The following FHIT variants were observed in gnomAD, a reference collection of about 807,000 sequenced individuals.
FHIT encodes fragile histidine triad diadenosine triphosphatase.
Under a neutral mutation model 17.9 loss-of-function variants are expected in FHIT, and 19 were observed. The observed-to-expected ratio is 1.06, with a 90% CI of 0.74 to 1.56. The LOEUF is 1.56. Ranked by LOEUF, FHIT falls within the 40% of genes most tolerant of loss-of-function variation. The pLI, the probability that FHIT is intolerant of heterozygous loss-of-function variation, is 0.00. For synonymous variants in FHIT, 81 were observed against 69.7 expected (o/e 1.16, Z -0.81); for missense variants, 248 against 189.2 (o/e 1.31, Z -1.82).
chr3:59,765,559 G>T (rs534796747), intron 8 of FHIT, among the ~76,000 whole-genome samples: 12 of 152,340 alleles, frequency 7.9e-5, no homozygotes, highest in African/African-American at 2.6e-4. Context: ...CAGACAGTCT[G>T]ATCCTTCATT....
intron 5 of FHIT, among the ~76,000 whole-genome samples, chr3:60,273,642 A>G (rs566277361): frequency 6.6e-6 from 1 of 152,178 alleles, no homozygotes; most frequent in Admixed American, 6.5e-5. Flanking sequence ...ATTATTTTTT[A>G]TAATGATCAT....
At chr3:61,208,783 G>A (rs2039346419) in intron 1 of FHIT, among the ~76,000 whole-genome samples, 1 of 151,948 alleles carries the variant, frequency 6.6e-6, no homozygotes, top group African/African-American at 2.4e-5. Context: ...TTGCCAATCT[G>A]TGTCTTTTAA....
intron 5 of FHIT, among the ~76,000 whole-genome samples, chr3:60,157,289 T>G (rs1020790515): frequency 6.6e-6 from 1 of 152,004 alleles, no homozygotes. Context: ...GACTCAGAAA[T>G]GGTAGCAGGC....
Position 59,816,029 on chromosome 3 carries a change from A to G in FHIT, c.349-63708T>C, listed in dbSNP as rs149587403. Among the ~76,000 whole-genome samples the G allele has an allele frequency of 3.7e-3, 564 of 152,294 alleles. 1 individual carries two copies. Among genetic ancestry groups the G allele is most frequent in the African/African-American group, 0.013 (540 of 41,564 alleles). ...TTGTTGTCATGAAGCAAAAAAACCC[A>G]CTTGCCCACTTGGCATGTCTTACCT... On this transcript the variant is annotated intron_variant, in intron 8 of 9. Transcript: ENST00000492590.
At chr3:61,213,975 C>G (rs1172151343) in intron 1 of FHIT, among the ~76,000 whole-genome samples, 1 of 152,060 alleles carries the variant, frequency 6.6e-6, no homozygotes, top group Non-Finnish European at 1.5e-5. Context: ...AAAGACACAA[C>G]ATACCAGAAT....
At chr3:60,230,452 T>C (rs1020677557) in intron 5 of FHIT, among the ~76,000 whole-genome samples, 14 of 152,210 alleles carry the variant, frequency 9.2e-5, no homozygotes, top group Admixed American at 6.5e-4. Context: ...TCTGATCATA[T>C]TGCTCTGGTG....
intron 5 of FHIT, among the ~76,000 whole-genome samples, chr3:60,165,643 C>G (rs536516676): frequency 1.3e-5 from 2 of 152,226 alleles, no homozygotes; most frequent in South Asian, 4.2e-4. Flanking sequence ...ATAAAGATAC[C>G]TATCTTTGCT....
intron 5 of FHIT, among the ~76,000 whole-genome samples, chr3:60,222,559 G>C (rs1704011499): frequency 6.6e-6 from 1 of 152,188 alleles, no homozygotes; most frequent in South Asian, 2.1e-4. Context: ...CGGAGGTTGA[G>C]GCGGGTGGAT....
At chr3:60,350,625 C>T (rs111609539) in intron 5 of FHIT, among the ~76,000 whole-genome samples, 1,547 of 152,242 alleles carry the variant, frequency 0.01, 33 homozygotes, top group African/African-American at 0.035. Flanking sequence ...CTTCTCCCTC[C>T]TTCCTCCCTG....
chr3:60,781,076 C>T (rs1553725617), intron 4 of FHIT, among the ~76,000 whole-genome samples: 1 of 152,204 alleles, frequency 6.6e-6, no homozygotes, highest in African/African-American at 2.4e-5. Flanking sequence ...AGTCCTGCAA[C>T]ACCTCCAACA....
chr3:60,690,766 C>G (rs2040968841), intron 4 of FHIT: 1 of 361,436 alleles, frequency 2.8e-6, no homozygotes, highest in Non-Finnish European at 5.4e-6. Context: ...TGTGAAGTCT[C>G]TGTTACTGAA....
At chr3:60,483,136 T>C (rs146844253) in intron 5 of FHIT, among the ~76,000 whole-genome samples, 2,103 of 151,582 alleles carry the variant, frequency 0.014, 28 homozygotes, top group South Asian at 0.048. Flanking sequence ...CAGGAAGGAG[T>C]TGAATCCTTG....
At chr3:60,317,243 T>G (rs1177946135) in intron 5 of FHIT, among the ~76,000 whole-genome samples, 4 of 152,116 alleles carry the variant, frequency 2.6e-5, no homozygotes, top group Non-Finnish European at 5.9e-5. Context: ...TAAAATCTAC[T>G]TAAGAACTTT....
At chr3:60,475,699 G>T (rs1339329964) in intron 5 of FHIT, among the ~76,000 whole-genome samples, 1 of 152,126 alleles carries the variant, frequency 6.6e-6, no homozygotes, top group African/African-American at 2.4e-5. Flanking sequence ...GTAAATACAG[G>T]TTAAGCACCC....
intron 3 of FHIT, among the ~76,000 whole-genome samples, chr3:60,871,459 C>T (rs529454309): frequency 1.3e-5 from 2 of 152,168 alleles, no homozygotes; most frequent in East Asian, 3.9e-4. Context: ...AACACTGTCA[C>T]CACAACTTTT....
At chr3:60,859,653 C>T (rs914415179) in intron 3 of FHIT, among the ~76,000 whole-genome samples, 1 of 148,982 alleles carries the variant, frequency 6.7e-6, no homozygotes, top group East Asian at 2.0e-4. Context: ...ATGGAAAGAA[C>T]CTGGATCCTA....
At chr3:61,202,152 G>C (rs924480300) in intron 1 of FHIT, among the ~76,000 whole-genome samples, 1 of 152,108 alleles carries the variant, frequency 6.6e-6, no homozygotes, top group Non-Finnish European at 1.5e-5. Flanking sequence ...TCTGGGAAGT[G>C]AGAAGCGCCT....
Position 61,188,611 on chromosome 3 carries a change from T to C in FHIT, c.-164+12006A>G, listed in dbSNP as rs373182671. Among the ~76,000 whole-genome samples the C allele has an allele frequency of 1.6e-3, 247 of 152,194 alleles. 5 individuals carry two copies. The East Asian group carries it at 0.033, about 20-fold the overall frequency. On this transcript the variant is annotated intron_variant, in intron 2 of 9. Coordinates refer to ENST00000492590, the MANE Select transcript of FHIT (RefSeq NM_002012.4). ...GCCAGCATCATCCTGATACCAAAGC[T>C]GGGCAGAGACACAACAAAAAAAGAG...
At chr3:60,894,778 G>C (rs782094550) in intron 3 of FHIT, among the ~76,000 whole-genome samples, 9 of 152,052 alleles carry the variant, frequency 5.9e-5, no homozygotes, top group Non-Finnish European at 1.0e-4. Context: ...ATCCCATACT[G>C]TCTTCCCAAG....
Sources: gnomAD v4.1 joint callset for allele counts (sites outside exome capture counted in the v4.1 genomes callset) on GRCh38, gnomAD v4.1.1 for gene constraint, MANE v1.5 for transcripts, NCBI Gene and HGNC (gene_info 2026-07-23, HGNC 2026-07-21) for gene names.